Variants in KCTD16 observed in about 807,000 individuals in gnomAD.
KCTD16 encodes the protein BTB/POZ domain-containing protein KCTD16.
In KCTD16, 13 loss-of-function variants were observed where a neutral mutation model predicts 33.2. The observed-to-expected ratio is 0.39, with a 90% CI of 0.25 to 0.62. KCTD16 has a LOEUF of 0.62. Among genes scored for constraint, KCTD16 ranks in the 20% least tolerant of loss-of-function variants. The pLI is 0.50. For synonymous variants in KCTD16, 197 were observed against 195.3 expected (o/e 1.01, Z -0.07); for missense variants, 441 against 525.1 (o/e 0.84, Z 1.57).
In KCTD16 at chr5:144,313,198, G is replaced by A. The variant is rs75679002; in HGVS notation, c.832+105652G>A. Among the ~76,000 whole-genome samples the A allele has an allele frequency of 4.1e-3, 619 of 152,196 alleles. 8 individuals carry two copies. The highest frequency in any genetic ancestry group is 7.3e-3 in the Admixed American group (112 of 15,264). ...TTTGTTTTATATGACTGTGATATGA[G>A]AGATCAGTATAAAACAAAAAGCAGA... is the stretch of plus-strand genomic sequence containing the variant. On this transcript the variant is annotated intron_variant, in intron 3 of 3. Transcript: ENST00000512467.
intron 3 of KCTD16, among the ~76,000 whole-genome samples, chr5:144,339,549 C>A (rs1752575111): frequency 6.6e-6 from 1 of 152,178 alleles, no homozygotes; most frequent in Non-Finnish European, 1.5e-5. Context: ...GATTTTACTT[C>A]TCTATGTTAT....
At chr5:144,363,140 G>A (rs1187647430) in intron 3 of KCTD16, among the ~76,000 whole-genome samples, 3 of 151,978 alleles carry the variant, frequency 2.0e-5, no homozygotes, top group South Asian at 2.1e-4. Flanking sequence ...TCAGGAGTTC[G>A]AGACCAGCCT....
chr5:144,405,001 G>C (rs1752780586), intron 3 of KCTD16, among the ~76,000 whole-genome samples: 1 of 152,114 alleles, frequency 6.6e-6, no homozygotes, highest in Non-Finnish European at 1.5e-5. Context: ...AATACTAATA[G>C]TAATACTAAT....
intron 3 of KCTD16, among the ~76,000 whole-genome samples, chr5:144,309,601 A>G (rs1220652591): frequency 6.6e-6 from 1 of 152,178 alleles, no homozygotes; most frequent in Non-Finnish European, 1.5e-5. Context: ...TGGGCCAAAT[A>G]TTAGTATTCA....
intron 3 of KCTD16, among the ~76,000 whole-genome samples, chr5:144,220,586 A>G (rs1417821302): frequency 6.6e-6 from 1 of 152,044 alleles, no homozygotes; most frequent in Non-Finnish European, 1.5e-5. Flanking sequence ...GTGTGTGTTT[A>G]TACATACACA....
intron 3 of KCTD16, among the ~76,000 whole-genome samples, chr5:144,453,546 A>G (rs1376506718): frequency 6.6e-6 from 1 of 152,134 alleles, no homozygotes; most frequent in African/African-American, 2.4e-5. Context: ...TAACTGCAGA[A>G]TCTTGAGAAA....
chr5:144,277,841 T>C (rs1674445123), intron 3 of KCTD16, among the ~76,000 whole-genome samples: 1 of 152,230 alleles, frequency 6.6e-6, no homozygotes, highest in Non-Finnish European at 1.5e-5. Context: ...GAAATATCTG[T>C]TAAAAACTTT....
chr5:144,235,998 G>A (rs916153623), intron 3 of KCTD16, among the ~76,000 whole-genome samples: 2 of 152,082 alleles, frequency 1.3e-5, no homozygotes. Context: ...AGTGTATGAA[G>A]TCTAGAACTA....
chr5:144,382,903 A>C (rs572576138), intron 3 of KCTD16, among the ~76,000 whole-genome samples: 4 of 152,192 alleles, frequency 2.6e-5, no homozygotes, highest in Non-Finnish European at 2.9e-5. Flanking sequence ...GCTTTGCCCA[A>C]CTTGTGCATT....
At chr5:144,393,471 C>T (rs1428554128) in intron 3 of KCTD16, among the ~76,000 whole-genome samples, 1 of 152,104 alleles carries the variant, frequency 6.6e-6, no homozygotes, top group Non-Finnish European at 1.5e-5. Flanking sequence ...CTGTGTCATA[C>T]TACTCAACCC....
At chr5:144,280,790 G>A (rs1755580635) in intron 3 of KCTD16, among the ~76,000 whole-genome samples, 2 of 152,010 alleles carry the variant, frequency 1.3e-5, no homozygotes, top group Non-Finnish European at 2.9e-5. Flanking sequence ...AGCTGGGCGT[G>A]ATGGTGGGAG....
At chr5:144,436,240 G>C (rs2126973061) in intron 3 of KCTD16, among the ~76,000 whole-genome samples, 1 of 152,328 alleles carries the variant, frequency 6.6e-6, no homozygotes, top group African/African-American at 2.4e-5. Context: ...ACCTGGCATA[G>C]TGGCAGATGG....
At chr5:144,317,698 G>A (rs533579005) in intron 3 of KCTD16, among the ~76,000 whole-genome samples, 1 of 152,192 alleles carries the variant, frequency 6.6e-6, no homozygotes, top group South Asian at 2.1e-4. Flanking sequence ...TCAAATCCTT[G>A]GTTGGGTCTC....
At chr5:144,257,117 C>T (rs1754870067) in intron 3 of KCTD16, among the ~76,000 whole-genome samples, 2 of 152,108 alleles carry the variant, frequency 1.3e-5, no homozygotes, top group Admixed American at 6.5e-5. Flanking sequence ...ATCTGTATCC[C>T]TACTAACTGG....
chr5:144,226,369 G>A (rs896782052), intron 3 of KCTD16, among the ~76,000 whole-genome samples: 1 of 152,068 alleles, frequency 6.6e-6, no homozygotes, highest in African/African-American at 2.4e-5. Context: ...GACTATACAT[G>A]CTTTTTAATT....
chr5:144,328,522 ATTTTTTTTT>A (rs1752268795), intron 3 of KCTD16, among the ~76,000 whole-genome samples: 1 of 147,244 alleles, frequency 6.8e-6, no homozygotes, highest in African/African-American at 2.5e-5. Flanking sequence ...TATTTTTTTT[ATTTTTTTTT>A]ATTTTGCAAG....
intron 3 of KCTD16, among the ~76,000 whole-genome samples, chr5:144,329,672 T>A (rs182214590): frequency 9.1e-4 from 138 of 152,316 alleles, no homozygotes; most frequent in African/African-American, 2.9e-3. Context: ...TTAGTAAAGT[T>A]GGATAGGAAT....
chr5:144,195,452 A>C (rs1217159657), intron 2 of KCTD16, among the ~76,000 whole-genome samples: 1 of 152,134 alleles, frequency 6.6e-6, no homozygotes, highest in Admixed American at 6.5e-5. Flanking sequence ...TTTTTGCAGA[A>C]TCTCCAGCAC....
chr5:144,206,928 A>G lies in KCTD16; in HGVS notation c.214A>G (p.Arg72Gly). Residue 72 changes from arginine (R) to glycine (G), a missense_variant, in exon 3 of 4, where the codon AGG becomes GGG. By Grantham distance (125) the Arg-to-Gly change is moderately radical. This residue lies in a region of KCTD16 where 80 missense variants were observed against 88.5 expected (regional missense o/e 0.90). Transcript: ENST00000512467. ...TGATCTAGCCAAGGACTCCAAGGGA[A>G]GGTTTTTCATTGACAGAGATGGATT... ...ANDLAKDSKG[R>G]FFIDRDGFLF... The G allele has an allele frequency of 6.2e-7, 1 of 1,614,174 alleles. No homozygotes were observed. Among genetic ancestry groups the G allele is most frequent in the Non-Finnish European group, 8.5e-7 (1 of 1,180,002 alleles).
Sources: gnomAD v4.1 joint callset for allele counts (sites outside exome capture counted in the v4.1 genomes callset) on GRCh38, gnomAD v4.1.1 for gene constraint, gnomAD v4.1.1 regional missense constraint, MANE v1.5 for transcripts, NCBI Gene and HGNC (gene_info 2026-07-23, HGNC 2026-07-21) for gene names.